The following MECR variants were observed in gnomAD, a reference collection of about 807,000 sequenced individuals.
MECR encodes mitochondrial trans-2-enoyl-CoA reductase, also known as enoyl-[acyl-carrier-protein] reductase, mitochondrial.
A neutral mutation model predicts 49.1 loss-of-function variants in MECR; 37 were observed. The observed-to-expected ratio is 0.75, with a 90% CI of 0.58 to 0.99. The LOEUF (loss-of-function observed/expected upper bound fraction) is 0.99, where lower values mean the gene tolerates loss of function less well. Among genes scored for constraint, MECR ranks in the 50% least tolerant of loss-of-function variants. The pLI is 0.00. For synonymous variants in MECR, 198 were observed against 191.1 expected, an observed-to-expected ratio of 1.04 and a Z score of -0.30; for missense variants, 470 against 479.6, an observed-to-expected ratio of 0.98 and a Z score of 0.19.
Position 29,203,120 on chromosome 1 carries a change from T to C in MECR, c.653+11A>G, listed in dbSNP as rs2151862179. 1 of 1,558,402 alleles carries C rather than the reference T, an allele frequency of 6.4e-7. No individual in the cohort carries two copies. The highest frequency in any genetic ancestry group is 1.2e-5 in the South Asian group (1 of 85,296). On this transcript the variant is annotated intron_variant, in intron 5 of 9. Coordinates refer to ENST00000263702, the MANE Select transcript of MECR (RefSeq NM_016011.5). ...GACATGGTCTGGGATGAAGCCTCCT[T>C]CCCCACGCACCTGTCTCGGACCACA...
the MECR span, among the ~76,000 whole-genome samples, chr1:29,175,021 T>A: frequency 6.7e-6 from 1 of 148,380 alleles, no homozygotes; most frequent in African/African-American, 2.5e-5. Context: ...AGAGACAGAG[T>A]GCGTGCGTGC....
intron 4 of MECR, among the ~76,000 whole-genome samples, chr1:29,205,660 T>A (rs1009536587): frequency 2.0e-5 from 3 of 151,720 alleles, no homozygotes; most frequent in African/African-American, 7.3e-5. Context: ...TGAAACCCCA[T>A]TTCTACTAAA....
the MECR span, among the ~76,000 whole-genome samples, chr1:29,179,553 G>A: frequency 6.6e-6 from 1 of 152,052 alleles, no homozygotes; most frequent in African/African-American, 2.4e-5. Flanking sequence ...CTTAGAGATG[G>A]GGTCAGGCTG....
At chr1:29,202,996 C>T (rs1377881769) in intron 5 of MECR, 135 bp downstream of exon 5, 2 of 643,910 alleles carry the variant, frequency 3.1e-6, no homozygotes, top group East Asian at 2.9e-5. Context: ...GTTTCAGCCG[C>T]CAACTGTTAG....
At chr1:29,181,818 G>C in the MECR span, 3 of 1,359,532 alleles carry the variant, frequency 2.2e-6, no homozygotes, top group South Asian at 4.7e-5. Flanking sequence ...GGCAAAGCGA[G>C]AGCACGGCGG....
chr1:29,193,225 G>A lies in MECR; in HGVS notation c.*797C>T. The A allele has an allele frequency of 5.4e-6, 1 of 186,566 alleles. No individual in the cohort carries two copies. Among genetic ancestry groups the A allele is most frequent in the Admixed American group, 4.2e-5 (1 of 23,660 alleles). The allele number at this position is 186,566 out of a possible 1,614,324, so 11.6% of individuals were successfully genotyped here. A position where few individuals can be genotyped will look rare whatever the true frequency, so the allele number is the denominator to read the frequency against. On this transcript the variant is annotated 3_prime_UTR_variant, in exon 10 of 10. Transcript: ENST00000263702. ...TTCCCAAAGTGCTGGGATTACAGGT[G>A]TGAGCCACCGCGCCAGGCCTTGGGT...
At position 29,209,383 on chromosome 1, in the gene MECR, T is replaced by G. The variant is rs543852234; in HGVS notation, c.407-2478A>C. Among the ~76,000 whole-genome samples, 20 of 152,278 alleles carry G rather than the reference T, an allele frequency of 1.3e-4. No individual in the cohort carries two copies. The East Asian group carries it at 3.9e-3, about 29-fold the overall frequency. On this transcript the variant is annotated intron_variant, in intron 3 of 9. Transcript: ENST00000263702. The stretch of plus-strand genomic sequence containing the variant: ...GTATGGAGAACTGATCTTGTTTTAG[T>G]GAATGAGTGAGTGGGAAGCCTGTAA...
downstream of MECR, among the ~76,000 whole-genome samples, chr1:29,190,303 A>C (rs1673094764): frequency 6.6e-6 from 1 of 152,092 alleles, no homozygotes; most frequent in Non-Finnish European, 1.5e-5. Context: ...TGAACCCGGG[A>C]GGCGGAGCTT....
chr1:29,198,162 G>GTCA (rs1674452268), intron 7 of MECR, among the ~76,000 whole-genome samples: 1 of 152,178 alleles, frequency 6.6e-6, no homozygotes, highest in South Asian at 2.1e-4. Context: ...CCACTGATCT[G>GTCA]TCAGGAGGCG....
the MECR span, among the ~76,000 whole-genome samples, chr1:29,177,812 C>T: frequency 6.6e-6 from 1 of 151,982 alleles, no homozygotes; most frequent in Non-Finnish European, 1.5e-5. Context: ...TCTCAGGGTC[C>T]ATAGAATCCT....
At position 29,230,422 on chromosome 1, in the gene MECR, A is replaced by G. The variant is rs185119753; in HGVS notation, c.176+309T>C. ...CAGTTTTCATCTGCAAAATGGGGAT[A>G]AATCAATAACTACCCCAAAACATTG... On this transcript the variant is annotated intron_variant, in intron 1 of 9. Coordinates refer to ENST00000263702, the MANE Select transcript of MECR (RefSeq NM_016011.5). The G allele has an allele frequency of 1.3e-4, 44 of 340,154 alleles. 1 individual carries two copies. In the Middle Eastern group the frequency reaches 5.1e-3, roughly 39 times the overall value. 21.1% of individuals were successfully genotyped at this position (340,154 alleles called of 1,614,324 possible).
At chr1:29,188,234 G>A (rs1195989197), downstream of MECR, among the ~76,000 whole-genome samples, 1 of 151,536 alleles carries the variant, frequency 6.6e-6, no homozygotes, top group Non-Finnish European at 1.5e-5. Context: ...CTGTTGCCCA[G>A]GCTGGAATGC....
the MECR span, chr1:29,172,831 A>G: frequency 6.6e-6 from 1 of 152,230 alleles, no homozygotes; most frequent in Non-Finnish European, 1.5e-5. Flanking sequence ...TACCCATCAC[A>G]GGGTTACTTA....
intron 1 of MECR, among the ~76,000 whole-genome samples, chr1:29,222,782 T>C (rs892615630): frequency 6.6e-6 from 1 of 151,954 alleles, no homozygotes; most frequent in Non-Finnish European, 1.5e-5. Context: ...GTGGATGGTG[T>C]CGGGGGCTGG....
the MECR span, among the ~76,000 whole-genome samples, chr1:29,182,787 G>C: frequency 1.3e-5 from 2 of 152,158 alleles, no homozygotes; most frequent in African/African-American, 4.8e-5. Context: ...CAGGTGATCC[G>C]CCCGCCTTGG....
chr1:29,195,889 T>C (rs757939316), intron 9 of MECR, 52 bp downstream of exon 9: 2 of 1,588,582 alleles, frequency 1.3e-6, no homozygotes, highest in Non-Finnish European at 1.7e-6. Context: ...TCTGCTGCCA[T>C]TTTTAGGCAC....
chr1:29,198,836 C>T (rs1558421782), intron 7 of MECR, among the ~76,000 whole-genome samples: 1 of 152,156 alleles, frequency 6.6e-6, no homozygotes, highest in Non-Finnish European at 1.5e-5. Context: ...AGGATGGTCT[C>T]GAATTTTTGA....
chr1:29,220,329 AG>A (rs1429131096), intron 1 of MECR, among the ~76,000 whole-genome samples: 1 of 151,660 alleles, frequency 6.6e-6, no homozygotes, highest in Non-Finnish European at 1.5e-5. Context: ...TGAACCTGGG[AG>A]GTGGAGGTTG....
At chr1:29,208,118 G>C (rs1272259857) in intron 3 of MECR, among the ~76,000 whole-genome samples, 1 of 151,926 alleles carries the variant, frequency 6.6e-6, no homozygotes, top group Non-Finnish European at 1.5e-5. Context: ...TCAGCCTCCC[G>C]AATAGCTGGG....
Sources: allele counts gnomAD v4.1 joint callset (sites outside exome capture counted in the v4.1 genomes callset), GRCh38; gene constraint gnomAD v4.1.1; transcripts MANE v1.5; gene names NCBI Gene and HGNC (gene_info 2026-07-23, HGNC 2026-07-21).